The following FRMD3 variants were observed in gnomAD, a reference collection of about 807,000 sequenced individuals.
The protein encoded by FRMD3 is FERM domain-containing protein 3.
A neutral mutation model predicts 70.2 loss-of-function variants in FRMD3; 33 were observed. That is an observed-to-expected ratio of 0.47 (90% confidence interval 0.36 to 0.63). The LOEUF (loss-of-function observed/expected upper bound fraction) is 0.63. Among genes scored for constraint, FRMD3 ranks in the 20% least tolerant of loss-of-function variants. The probability of loss-of-function intolerance (pLI) is 0.00; values close to 1 mark genes in which losing one functional copy is unlikely to be tolerated. For synonymous variants in FRMD3, 279 were observed against 255.9 expected (o/e 1.09, Z -0.86); for missense variants, 632 against 711.4 (o/e 0.89, Z 1.27).
chr9:83,558,985 C>G, the FRMD3 span, among the ~76,000 whole-genome samples: 1 of 152,152 alleles, frequency 6.6e-6, no homozygotes. Context: ...GCAACAACAA[C>G]AAGAAAGTGG....
chr9:83,409,255 G>A (rs893235115), intron 1 of FRMD3, among the ~76,000 whole-genome samples: 6 of 152,176 alleles, frequency 3.9e-5, no homozygotes, highest in Admixed American at 3.3e-4. Context: ...GCATTGAACT[G>A]AATGCTCGCT....
chr9:83,418,203 T>C (rs1470472819), intron 1 of FRMD3, among the ~76,000 whole-genome samples: 1 of 152,098 alleles, frequency 6.6e-6, no homozygotes, highest in African/African-American at 2.4e-5. Context: ...AAAACTCTTC[T>C]AGACATCAAC....
At chr9:83,457,914 G>A (rs1312035312) in intron 1 of FRMD3, among the ~76,000 whole-genome samples, 1 of 143,034 alleles carries the variant, frequency 7.0e-6, no homozygotes, top group African/African-American at 2.6e-5. Context: ...ATATATAATT[G>A]TTATTCCTCA....
chr9:83,467,791 A>G (rs2131452779), intron 1 of FRMD3: 1 of 1,374,560 alleles, frequency 7.3e-7, no homozygotes, highest in Non-Finnish European at 9.4e-7. Context: ...TACCTATAGA[A>G]ATCTTGCTGC....
At chr9:83,342,079 C>T (rs1202702248) in intron 5 of FRMD3, among the ~76,000 whole-genome samples, 1 of 151,378 alleles carries the variant, frequency 6.6e-6, no homozygotes, top group Non-Finnish European at 1.5e-5. Flanking sequence ...CTCTCTTTCC[C>T]CCAGCCTGCC....
chr9:83,267,220 G>A, intron 13 of FRMD3: 1 of 1,544,730 alleles, frequency 6.5e-7, no homozygotes, highest in South Asian at 1.2e-5. Flanking sequence ...CTGTTTTAAA[G>A]GACCTAGGCA....
intron 1 of FRMD3, among the ~76,000 whole-genome samples, chr9:83,408,575 CA>C (rs1306684880): frequency 6.6e-6 from 1 of 152,210 alleles, no homozygotes; most frequent in Non-Finnish European, 1.5e-5. Flanking sequence ...CCAGCTACCC[CA>C]GGGGGAAAGG....
chr9:83,420,958 TGAGAC>T (rs1826619634), intron 1 of FRMD3, among the ~76,000 whole-genome samples: 1 of 134,466 alleles, frequency 7.4e-6, no homozygotes. Flanking sequence ...TTTTTTTTTT[TGAGAC>T]GGAGTCTCGC....
intron 1 of FRMD3, among the ~76,000 whole-genome samples, chr9:83,419,305 C>T (rs1826553310): frequency 6.6e-6 from 1 of 151,984 alleles, no homozygotes; most frequent in South Asian, 2.1e-4. Context: ...AAAGGTTTGC[C>T]CAAATAAGAT....
intron 1 of FRMD3, among the ~76,000 whole-genome samples, chr9:83,511,962 A>T (rs1395284623): frequency 6.6e-6 from 1 of 152,166 alleles, no homozygotes. Context: ...ATCTCTAGAA[A>T]TTACACCTTA....
chr9:83,581,308 G>A, the FRMD3 span, among the ~76,000 whole-genome samples: 1 of 152,050 alleles, frequency 6.6e-6, no homozygotes, highest in South Asian at 2.1e-4. Flanking sequence ...AACAGGCAAA[G>A]GATTTGAATA....
At chr9:83,504,878 C>A (rs77860388) in intron 1 of FRMD3, among the ~76,000 whole-genome samples, 1 of 152,100 alleles carries the variant, frequency 6.6e-6, no homozygotes, top group Non-Finnish European at 1.5e-5. Flanking sequence ...GTACCTTGCA[C>A]AGTAAATATT....
chr9:83,281,895 C>A (rs1833984017), intron 13 of FRMD3, among the ~76,000 whole-genome samples: 1 of 152,204 alleles, frequency 6.6e-6, no homozygotes, highest in African/African-American at 2.4e-5. Context: ...TGCACCCTGT[C>A]CCGTATACAC....
intron 1 of FRMD3, among the ~76,000 whole-genome samples, chr9:83,425,847 C>A (rs552047981): frequency 1.3e-4 from 17 of 134,702 alleles, no homozygotes; most frequent in African/African-American, 4.8e-4. Flanking sequence ...GCAGAGGTTG[C>A]AGTGAGCCGA....
chr9:83,301,201 G>A (rs1190813067), intron 10 of FRMD3, among the ~76,000 whole-genome samples: 1 of 152,100 alleles, frequency 6.6e-6, no homozygotes, highest in Non-Finnish European at 1.5e-5. Context: ...ACCCACTCAC[G>A]AGGCTAGAAA....
At chr9:83,328,830 A>G (rs1345854816) in intron 6 of FRMD3, among the ~76,000 whole-genome samples, 1 of 152,226 alleles carries the variant, frequency 6.6e-6, no homozygotes, top group Non-Finnish European at 1.5e-5. Flanking sequence ...ATAAATGGAT[A>G]GAAGGATGGA....
At chr9:83,562,895 C>A in the FRMD3 span, among the ~76,000 whole-genome samples, 521 of 151,704 alleles carry the variant, frequency 3.4e-3, 4 homozygotes, top group African/African-American at 0.012. Context: ...GCCAATGCCC[C>A]CCCCCCAGCA....
At chr9:83,423,585 C>CTTTTTTT (rs869226126) in intron 1 of FRMD3, among the ~76,000 whole-genome samples, 679 of 60,488 alleles carry the variant, frequency 0.011, 111 homozygotes, top group African/African-American at 0.016. Context: ...AGCCCTGTTT[C>CTTTTTTT]TTTTTTTTTT....
chr9:83,297,021 G>A (rs527454207), intron 12 of FRMD3, among the ~76,000 whole-genome samples: 9 of 152,296 alleles, frequency 5.9e-5, no homozygotes, highest in African/African-American at 2.2e-4. Flanking sequence ...GAAACCCTGA[G>A]CTAGAAAGCC....
Sources: gnomAD v4.1 joint callset for allele counts (sites outside exome capture counted in the v4.1 genomes callset) on GRCh38, gnomAD v4.1.1 for gene constraint, MANE v1.5 for transcripts, NCBI Gene and HGNC (gene_info 2026-07-23, HGNC 2026-07-21) for gene names.